Variants in COL18A1 observed in about 807,000 individuals in gnomAD.
The protein encoded by COL18A1 is collagen type XVIII alpha 1 chain.
Under a neutral mutation model 168.0 loss-of-function variants are expected in COL18A1, and 133 were observed. The ratio of observed to expected loss-of-function variants is 0.79; its 90% CI spans 0.69 to 0.91. The LOEUF (loss-of-function observed/expected upper bound fraction) is 0.91. Among genes scored for constraint, COL18A1 ranks in the 40% least tolerant of loss-of-function variants. COL18A1 has a pLI of 0.00. For synonymous variants in COL18A1, 949 were observed against 809.0 expected (o/e 1.17, Z -2.94); for missense variants, 2,126 against 1,925.4 (o/e 1.10, Z -1.95).
chr21:45,509,937 G>A lies in COL18A1; in HGVS notation c.3496-127G>A, dbSNP rs997165277. On this transcript the variant is annotated intron_variant, in intron 39 of 41. Coordinates refer to ENST00000651438, the MANE Select transcript of COL18A1 (RefSeq NM_001379500.1). ...CTGGGCCCCTCAGTGTGTCACTTGCGCGCCTCCCGCTCAGCGCCCCTCGGC... is the reference window on the plus strand; with the variant it reads ...CTGGGCCCCTCAGTGTGTCACTTGCACGCCTCCCGCTCAGCGCCCCTCGGC... 72 of 1,098,098 alleles carry A rather than the reference G, an allele frequency of 6.6e-5. 1 individual carries two copies. The Middle Eastern group carries it at 3.6e-3, about 55-fold the overall frequency. 68.0% of individuals were successfully genotyped at this position (1,098,098 alleles called of 1,614,324 possible). A position where few individuals can be genotyped will look rare whatever the true frequency, so the allele number is the denominator to read the frequency against.
At chr21:45,464,366 G>A (rs980199089) in intron 2 of COL18A1, among the ~76,000 whole-genome samples, 4 of 152,136 alleles carry the variant, frequency 2.6e-5, no homozygotes, top group Admixed American at 6.5e-5. Context: ...GCAGGCCCTC[G>A]GCAAGACTCC....
intron 2 of COL18A1, among the ~76,000 whole-genome samples, chr21:45,455,268 C>A (rs564126085): frequency 6.6e-6 from 1 of 152,234 alleles, no homozygotes; most frequent in Admixed American, 6.5e-5. Flanking sequence ...CACACAGCAC[C>A]CTCTGTCCTC....
rs1297015554 is a variant in COL18A1 at position 45,480,129 on chromosome 21, A to G, written c.1371A>G (p.Pro457=). ...GACCCCAAGGGCCTCCAGGGCCCCCAGGACCCTCCTTCAGACACGACAAGC... is the reference window on the plus strand; with the variant it reads ...GACCCCAAGGGCCTCCAGGGCCCCCGGGACCCTCCTTCAGACACGACAAGC... ...PPGPQGPPGP[P]GPSFRHDKLT... The change falls in exon 11 of 42, where the codon CCA becomes CCG. Residue 457 remains proline, a synonymous_variant. Transcript: ENST00000651438. 4 of 1,595,028 alleles carry G rather than the reference A, an allele frequency of 2.5e-6. No homozygotes were observed. The highest frequency in any genetic ancestry group is 1.7e-5 in the Admixed American group (1 of 59,760).
intron 40 of COL18A1, among the ~76,000 whole-genome samples, chr21:45,510,605 C>A (rs1030073042): frequency 6.6e-6 from 1 of 152,120 alleles, no homozygotes. Context: ...AGCCTGGAAT[C>A]AGGAACCGTC....
chr21:45,495,467 G>A, intron 29 of COL18A1, 35 bp downstream of exon 29: 2 of 1,559,484 alleles, frequency 1.3e-6, no homozygotes, highest in Non-Finnish European at 1.7e-6. Flanking sequence ...TGGGTGGCTG[G>A]GAGACCAGGA....
At chr21:45,413,138 A>G (rs555723532) in intron 2 of COL18A1, among the ~76,000 whole-genome samples, 48 of 152,292 alleles carry the variant, frequency 3.2e-4, no homozygotes, top group Admixed American at 8.5e-4. Flanking sequence ...CACAGTGGAG[A>G]GAGGGCTCCA....
chr21:45,478,697 G>A (rs1033241626), intron 9 of COL18A1, among the ~76,000 whole-genome samples: 16 of 152,138 alleles, frequency 1.1e-4, no homozygotes, highest in African/African-American at 3.6e-4. Context: ...AGGGAAGCAC[G>A]GGGCGACCTG....
rs79105352 is a variant in COL18A1 at position 45,447,213 on chromosome 21, T to A, written c.107-21029T>A. 9.2e-3 allele frequency among the ~76,000 whole-genome samples: 1,387 copies of A among 150,500 alleles called. 66 individuals are homozygous for A. In the East Asian group the frequency reaches 0.14, roughly 16 times the overall value. ...CCAGATCTTATATATATATATATCA[T>A]ATATCATATATATCATATATCATAT... On this transcript the variant is annotated intron_variant, in intron 2 of 41. Coordinates refer to ENST00000651438, the MANE Select transcript of COL18A1 (RefSeq NM_001379500.1).
In COL18A1 at chr21:45,443,531, T is replaced by A. The variant is rs1000074584; in HGVS notation, c.107-24711T>A. 2.6e-5 allele frequency among the ~76,000 whole-genome samples: 4 copies of A among 152,078 alleles called. No individual in the cohort carries two copies. Among genetic ancestry groups the A allele is most frequent in the African/African-American group, 9.7e-5 (4 of 41,408 alleles). On this transcript the variant is annotated intron_variant, in intron 2 of 41. Coordinates refer to ENST00000651438, the MANE Select transcript of COL18A1 (RefSeq NM_001379500.1). This position sits in a 1 kb window ranked among gnomAD's most constrained non-coding sequence, Gnocchi z 5.2. ...CTAGGAGCCTCGGCCAAGGGCTCCC[T>A]CCTTGCACTGTGGTCTCTCGGGACC...
chr21:45,418,739 G>GGGA (rs1449554827), intron 2 of COL18A1, among the ~76,000 whole-genome samples: 1 of 150,440 alleles, frequency 6.6e-6, no homozygotes, highest in Non-Finnish European at 1.5e-5. Flanking sequence ...GGGGTCTCAG[G>GGGA]GCAGCGGCAC....
Position 45,511,356 on chromosome 21 carries a change from C to T in COL18A1, c.3809+130C>T, listed in dbSNP as rs551693979. ...ATACATGCTCATTACTTTAAAATTA[C>T]AAAATCCAAAAGAGCATTGAGAAAA... On this transcript the variant is annotated intron_variant, in intron 41 of 41. Coordinates refer to ENST00000651438, the MANE Select transcript of COL18A1 (RefSeq NM_001379500.1). 30 of 686,584 alleles carry T rather than the reference C, an allele frequency of 4.4e-5. No homozygotes were observed. The African/African-American group carries it at 5.1e-4, about 12-fold the overall frequency. 42.5% of individuals were successfully genotyped at this position (686,584 alleles called of 1,614,324 possible). A position where few individuals can be genotyped will look rare whatever the true frequency, so the allele number is the denominator to read the frequency against.
intron 2 of COL18A1, chr21:45,455,534 G>A: frequency 6.2e-7 from 1 of 1,612,896 alleles, no homozygotes; most frequent in Non-Finnish European, 8.5e-7. Flanking sequence ...TGCCCCGATG[G>A]CTCCCTACCC....
chr21:45,437,307 C>T (rs1385024093), intron 2 of COL18A1, among the ~76,000 whole-genome samples: 1 of 131,492 alleles, frequency 7.6e-6, no homozygotes, highest in Non-Finnish European at 1.6e-5. Context: ...CACACTCACA[C>T]AGGCACTCTC....
At chr21:45,407,042 G>A (rs2033135184) in intron 2 of COL18A1, among the ~76,000 whole-genome samples, 1 of 151,144 alleles carries the variant, frequency 6.6e-6, no homozygotes, top group Admixed American at 6.7e-5. Flanking sequence ...GGAGGCTGAA[G>A]CGGAAGCAGG....
chr21:45,405,501 C>A, intron 2 of COL18A1, 28 bp downstream of exon 2: 1 of 1,286,160 alleles, frequency 7.8e-7, no homozygotes. Context: ...CGGGAAGGTT[C>A]GCGCCGGTGC....
rs1475241395 is a variant in COL18A1 at position 45,473,907 on chromosome 21, G to A, written c.664G>A (p.Glu222Lys). The A allele has an allele frequency of 6.2e-7, 1 of 1,603,456 alleles. No homozygotes were observed. Among genetic ancestry groups the A allele is most frequent in the South Asian group, 1.1e-5 (1 of 88,984 alleles). ...DPDKFQGVIAELKVRRDPQVS... is the reference protein window; with the variant it reads ...DPDKFQGVIAKLKVRRDPQVS... Reference sequence around the variant, plus strand: ...TGTCTGCATTTAGGGGGTGATCGCTGAGCTGAAGGTGCGCAGGGACCCCCA... The same window carrying A: ...TGTCTGCATTTAGGGGGTGATCGCTAAGCTGAAGGTGCGCAGGGACCCCCA... Residue 222 changes from glutamate (E) to lysine (K), a missense_variant, in exon 4 of 42, where the codon GAG becomes AAG. Transcript: ENST00000651438. The surrounding 1 kb of genome is among the most constrained non-coding windows in gnomAD (Gnocchi z 4.0).
At chr21:45,478,661 C>T (rs1244682295) in intron 9 of COL18A1, among the ~76,000 whole-genome samples, 1 of 147,874 alleles carries the variant, frequency 6.8e-6, no homozygotes, top group African/African-American at 2.5e-5. Context: ...TCGGGCGGGG[C>T]AGGGGGTGGT....
At position 45,491,207 on chromosome 21, in the gene COL18A1, C is replaced by T. The variant is rs758748264; in HGVS notation, c.2068-18C>T. 2.6e-5 allele frequency: 41 copies of T among 1,600,858 alleles called. No homozygotes were observed. Among genetic ancestry groups the T allele is most frequent in the South Asian group, 1.1e-4 (10 of 90,860 alleles). On this transcript the variant is annotated intron_variant, in intron 21 of 41. Transcript: ENST00000651438. ...AGCGGTTGAGATGAAATGCCGGACG[C>T]GTGGCCTCCTCTTCCAGGGAGATCC...
intron 2 of COL18A1, among the ~76,000 whole-genome samples, chr21:45,454,392 G>T (rs984470515): frequency 6.6e-6 from 1 of 152,162 alleles, no homozygotes; most frequent in Admixed American, 6.5e-5. Context: ...AACCCCAGCC[G>T]CACAGCCTGG....
Sources: gnomAD v4.1 joint callset for allele counts (sites outside exome capture counted in the v4.1 genomes callset) on GRCh38, gnomAD v4.1.1 for gene constraint, Gnocchi (gnomAD v3.1) non-coding constraint, MANE v1.5 for transcripts, NCBI Gene and HGNC (gene_info 2026-07-23, HGNC 2026-07-21) for gene names.